Variants in MAPKAP1 observed in about 807,000 individuals in gnomAD.
The protein encoded by MAPKAP1 is target of rapamycin complex 2 subunit MAPKAP1.
MAPKAP1 carries 20 observed loss-of-function variants against 65.7 expected under a neutral mutation model. The ratio of observed to expected loss-of-function variants is 0.30; its 90% confidence interval spans 0.21 to 0.44. The LOEUF is 0.44. Among genes scored for constraint, MAPKAP1 ranks in the 20% least tolerant of loss-of-function variants. MAPKAP1 has a pLI of 1.00. For missense variants in MAPKAP1, 423 were observed against 648.0 expected, an observed-to-expected ratio of 0.65 and a Z score of 3.77; for synonymous variants, 222 against 244.3, an observed-to-expected ratio of 0.91 and a Z score of 0.85.
intron 7 of MAPKAP1, among the ~76,000 whole-genome samples, chr9:125,534,614 C>T (rs912080337): frequency 3.9e-5 from 6 of 152,174 alleles, no homozygotes; most frequent in African/African-American, 1.2e-4. Flanking sequence ...TGTTCTTTGG[C>T]CTCTAATTCA....
At chr9:125,591,015 C>CT (rs1266967628) in intron 4 of MAPKAP1, among the ~76,000 whole-genome samples, 2 of 152,156 alleles carry the variant, frequency 1.3e-5, no homozygotes, top group Non-Finnish European at 2.9e-5. Flanking sequence ...CTCAAGTGAT[C>CT]CGCCCACCTC....
At chr9:125,526,218 T>C (rs1333931340) in intron 7 of MAPKAP1, among the ~76,000 whole-genome samples, 1 of 152,226 alleles carries the variant, frequency 6.6e-6, no homozygotes, top group African/African-American at 2.4e-5. Flanking sequence ...GACTTTCCTA[T>C]GACCTCTTCT....
intron 3 of MAPKAP1, among the ~76,000 whole-genome samples, chr9:125,661,568 T>A (rs1166149682): frequency 1.3e-5 from 2 of 152,180 alleles, no homozygotes; most frequent in Non-Finnish European, 2.9e-5. Context: ...TACAAAACAG[T>A]ATGTATAGTA....
chr9:125,448,522 G>A (rs1027136418), intron 10 of MAPKAP1, among the ~76,000 whole-genome samples: 2 of 152,204 alleles, frequency 1.3e-5, no homozygotes, highest in African/African-American at 4.8e-5. Context: ...TCAGGTAGAA[G>A]AGGAAGAGGG....
intron 4 of MAPKAP1, among the ~76,000 whole-genome samples, chr9:125,603,749 G>T (rs996279893): frequency 1.4e-4 from 21 of 152,102 alleles, no homozygotes; most frequent in African/African-American, 4.8e-4. Flanking sequence ...GATTTCCTCG[G>T]AAGGCTGCTA....
At chr9:125,593,711 GA>G (rs1459587608) in intron 4 of MAPKAP1, among the ~76,000 whole-genome samples, 1 of 152,174 alleles carries the variant, frequency 6.6e-6, no homozygotes, top group Non-Finnish European at 1.5e-5. Context: ...CTGACAATTT[GA>G]AGTTGAACAA....
At chr9:125,639,348 T>C (rs543019775) in intron 4 of MAPKAP1, among the ~76,000 whole-genome samples, 31 of 152,296 alleles carry the variant, frequency 2.0e-4, no homozygotes, top group African/African-American at 4.1e-4. Flanking sequence ...AGGCAAGCTG[T>C]TTAACTTCCC....
Position 125,625,263 on chromosome 9 carries a change from A to T in MAPKAP1, c.498+32388T>A, listed in dbSNP as rs931002373. ...AAAAAAAAATAAATAAATAAAAAAAAAAAAAAAAAAAAAAAAACAAGGGAG... is the reference window on the plus strand; with the variant it reads ...AAAAAAAAATAAATAAATAAAAAAATAAAAAAAAAAAAAAAAACAAGGGAG... On this transcript the variant is annotated intron_variant, in intron 4 of 11. Transcript: ENST00000265960. Among the ~76,000 whole-genome samples, 29 of 135,146 alleles carry T rather than the reference A, an allele frequency of 2.1e-4. 1 individual carries two copies. Among genetic ancestry groups the T allele is most frequent in the East Asian group, 6.2e-4 (3 of 4,864 alleles). The allele number at this position is 135,146 out of a possible 152,430, so 88.7% of individuals were successfully genotyped here.
At chr9:125,681,960 T>C (rs937875400) in intron 1 of MAPKAP1, among the ~76,000 whole-genome samples, 2 of 152,118 alleles carry the variant, frequency 1.3e-5, no homozygotes, top group African/African-American at 2.4e-5. Context: ...AAGAGTCTTG[T>C]CATCTTCCCC....
At chr9:125,563,870 AC>A (rs1413638313) in intron 5 of MAPKAP1, among the ~76,000 whole-genome samples, 1 of 152,044 alleles carries the variant, frequency 6.6e-6, no homozygotes, top group African/African-American at 2.4e-5. Flanking sequence ...CTGCCACCAC[AC>A]CTGGCTAATT....
intron 5 of MAPKAP1, among the ~76,000 whole-genome samples, chr9:125,570,338 T>C (rs938573571): frequency 2.0e-5 from 3 of 152,122 alleles, no homozygotes; most frequent in Admixed American, 1.3e-4. Context: ...AATTCAAAGG[T>C]TGTTAGATCT....
intron 4 of MAPKAP1, among the ~76,000 whole-genome samples, chr9:125,645,669 G>A (rs897245963): frequency 6.6e-6 from 1 of 151,398 alleles, no homozygotes; most frequent in African/African-American, 2.4e-5. Context: ...ACTGGGAGGT[G>A]GAGGTTGCAG....
intron 4 of MAPKAP1, among the ~76,000 whole-genome samples, chr9:125,634,789 G>A (rs1833377843): frequency 6.6e-6 from 1 of 152,158 alleles, no homozygotes; most frequent in South Asian, 2.1e-4. Context: ...ATAACAGTAG[G>A]CAGCCTTTAA....
At chr9:125,622,386 A>G (rs1191609646) in intron 4 of MAPKAP1, among the ~76,000 whole-genome samples, 3 of 152,242 alleles carry the variant, frequency 2.0e-5, no homozygotes, top group Non-Finnish European at 2.9e-5. Context: ...GCATACACAT[A>G]TCAAAATATC....
rs764455047 is a variant in MAPKAP1, at chr9:125,439,060, C to T, written c.1444-48G>A. The T allele has an allele frequency of 3.1e-6, 5 of 1,604,264 alleles. No homozygotes were observed. The highest frequency in any genetic ancestry group is 4.3e-6 in the Non-Finnish European group (5 of 1,175,086). ...CGGTCACCTTGCCAGCCGCTCCCTACCCACCCAGGGCATCGGAGGGGGTGG... is the reference window on the plus strand; with the variant it reads ...CGGTCACCTTGCCAGCCGCTCCCTATCCACCCAGGGCATCGGAGGGGGTGG... On this transcript the variant is annotated intron_variant, in intron 11 of 11. Transcript: ENST00000265960. The surrounding 1 kb of genome is among the most constrained non-coding windows in gnomAD (Gnocchi z 4.0).
chr9:125,440,848 T>A (rs1852455018), intron 11 of MAPKAP1, among the ~76,000 whole-genome samples: 1 of 152,218 alleles, frequency 6.6e-6, no homozygotes, highest in African/African-American at 2.4e-5. Flanking sequence ...ATACAAGAAA[T>A]CTTTGGATTA....
chr9:125,544,028 T>G (rs1830344898), intron 6 of MAPKAP1, among the ~76,000 whole-genome samples: 1 of 76,638 alleles, frequency 1.3e-5, no homozygotes, highest in Non-Finnish European at 4.1e-5. Flanking sequence ...ATACACACAC[T>G]TTTTTTTTTG....
At chr9:125,650,936 GA>G (rs1320373774) in intron 4 of MAPKAP1, among the ~76,000 whole-genome samples, 1 of 152,134 alleles carries the variant, frequency 6.6e-6, no homozygotes, top group Non-Finnish European at 1.5e-5. Flanking sequence ...TGGTAAGGGG[GA>G]AATAATCTCA....
At chr9:125,698,305 ATATAT>A (rs1835478232) in intron 1 of MAPKAP1, among the ~76,000 whole-genome samples, 1 of 30,180 alleles carries the variant, frequency 3.3e-5, no homozygotes, top group African/African-American at 1.3e-4. Context: ...ATATATATAT[ATATAT>A]ATATATATAT....
Sources: gnomAD v4.1 joint callset for allele counts (sites outside exome capture counted in the v4.1 genomes callset) on GRCh38, gnomAD v4.1.1 for gene constraint, Gnocchi (gnomAD v3.1) non-coding constraint, MANE v1.5 for transcripts, NCBI Gene and HGNC (gene_info 2026-07-23, HGNC 2026-07-21) for gene names.